The following TRRAP variants were observed in gnomAD, a reference collection of about 807,000 sequenced individuals.
TRRAP encodes transformation/transcription domain-associated protein.
In TRRAP, 41 loss-of-function variants were observed where a neutral mutation model predicts 438.8. The observed-to-expected ratio is 0.09, with a 90% confidence interval of 0.07 to 0.12. The LOEUF (loss-of-function observed/expected upper bound fraction) is 0.12. Ranked by LOEUF, TRRAP falls within the 10% of genes least tolerant of loss-of-function variation. The probability of loss-of-function intolerance (pLI) is 1.00; values close to 1 mark genes in which losing one functional copy is unlikely to be tolerated. For missense variants in TRRAP, 3,122 were observed against 5,055.1 expected (o/e 0.62, Z 11.60); for synonymous variants, 1,994 against 1,962.9 (o/e 1.02, Z -0.42).
At chr7:98,919,917 G>T (rs1318993715) in intron 20 of TRRAP, among the ~76,000 whole-genome samples, 2 of 152,208 alleles carry the variant, frequency 1.3e-5, no homozygotes, top group Non-Finnish European at 2.9e-5. Context: ...GGCCATGCGA[G>T]CACAGCAGGA....
intron 18 of TRRAP, 147 bp downstream of exon 18, chr7:98,912,360 G>T: frequency 1.5e-6 from 1 of 652,696 alleles, no homozygotes; most frequent in Non-Finnish European, 2.3e-6. Context: ...TGGGACTATA[G>T]GCACTCACCA....
chr7:99,007,505 C>T (rs937228415), intron 69 of TRRAP, among the ~76,000 whole-genome samples: 8 of 149,234 alleles, frequency 5.4e-5, no homozygotes, highest in East Asian at 2.0e-4. Context: ...CGCACCACCA[C>T]GCCTGGCTAA....
Position 99,011,012 on chromosome 7 carries a change from A to G in TRRAP, c.10939-40A>G. 1 of 1,574,148 alleles carries G rather than the reference A, an allele frequency of 6.4e-7. No individual in the cohort carries two copies. ...GAATTTTTCTTTTCCAAAAAAAATC[A>G]GTGAGTGAGATGGGAGTGTCACGGA... On this transcript the variant is annotated intron_variant, in intron 70 of 72. Transcript: ENST00000456197. This position sits in a 1 kb window ranked among gnomAD's most constrained non-coding sequence, Gnocchi z 7.1.
chr7:98,948,481 A>G lies in TRRAP; in HGVS notation c.4669-85A>G, dbSNP rs1791186705. ...TTGCTTGTGGGTGTTCATGCACTCC[A>G]GTAACAAGGGACCTTGTTAGGTAGA... On this transcript the variant is annotated intron_variant, in intron 34 of 72. Coordinates refer to ENST00000456197, the MANE Select transcript of TRRAP (RefSeq NM_001375524.1). This position sits in a 1 kb window ranked among gnomAD's most constrained non-coding sequence, Gnocchi z 4.9. 1.9e-6 allele frequency: 3 copies of G among 1,611,746 alleles called. No homozygotes were observed. Among genetic ancestry groups the G allele is most frequent in the Non-Finnish European group, 2.5e-6 (3 of 1,178,954 alleles).
rs1471203748 is a variant in TRRAP, at chr7:98,979,499, T to C, written c.8634+595T>C. Among the ~76,000 whole-genome samples the C allele has an allele frequency of 3.9e-5, 6 of 152,312 alleles. 1 individual carries two copies. In the East Asian group the frequency reaches 5.8e-4, roughly 15 times the overall value. ...TGCTTAGTACAGATGCAGTTTTTTTTCCCCCAAATATTTTCCATCCACAGT... is the reference window on the plus strand; with the variant it reads ...TGCTTAGTACAGATGCAGTTTTTTTCCCCCCAAATATTTTCCATCCACAGT... On this transcript the variant is annotated intron_variant, in intron 58 of 72. Transcript: ENST00000456197.
intron 59 of TRRAP, among the ~76,000 whole-genome samples, chr7:98,982,999 A>G (rs1168916248): frequency 2.6e-5 from 4 of 152,110 alleles, no homozygotes; most frequent in Non-Finnish European, 5.9e-5. Context: ...TGGTGTCTGT[A>G]CCATCGTTCT....
Position 98,924,957 on chromosome 7 carries a change from T to TA in TRRAP, c.2824-154dup, listed in dbSNP as rs200165482. Reference sequence around the variant, plus strand: ...AGGCAGAGCTTGCAGTGACCTGAGATACGCGCCACTGCACTCCAGCCCAGG... The same window carrying TA: ...AGGCAGAGCTTGCAGTGACCTGAGATAACGCGCCACTGCACTCCAGCCCAGG... On this transcript the variant is annotated intron_variant, in intron 21 of 72. Coordinates refer to ENST00000456197, the MANE Select transcript of TRRAP (RefSeq NM_001375524.1). 7.7e-3 allele frequency among the ~76,000 whole-genome samples: 1,125 copies of TA among 146,948 alleles called. 44 individuals are homozygous for TA. Among genetic ancestry groups the TA allele is most frequent in the Admixed American group, 0.064 (931 of 14,658 alleles).
chr7:98,980,379 T>C (rs1562969724), intron 58 of TRRAP, among the ~76,000 whole-genome samples: 1 of 130,342 alleles, frequency 7.7e-6, no homozygotes, highest in Non-Finnish European at 1.5e-5. Flanking sequence ...CCTTCCATCT[T>C]TCTAATCACA....
chr7:98,885,542 T>G (rs1795659050), intron 3 of TRRAP, among the ~76,000 whole-genome samples: 1 of 152,044 alleles, frequency 6.6e-6, no homozygotes. Flanking sequence ...TATTTTAGCT[T>G]TTTTTTAATA....
intron 65 of TRRAP, among the ~76,000 whole-genome samples, chr7:98,992,958 A>G (rs1793494630): frequency 6.6e-6 from 1 of 152,122 alleles, no homozygotes; most frequent in Non-Finnish European, 1.5e-5. Flanking sequence ...TAGTTTTAAG[A>G]CTAAGTGTAG....
chr7:98,987,362 T>C (rs1793198140), intron 62 of TRRAP, among the ~76,000 whole-genome samples: 1 of 152,252 alleles, frequency 6.6e-6, no homozygotes, highest in South Asian at 2.1e-4. Flanking sequence ...GAGATGTCTT[T>C]CCACTAGTTT....
chr7:98,881,294 C>G (rs374640716), intron 2 of TRRAP, 44 bp downstream of exon 2: 1 of 1,538,152 alleles, frequency 6.5e-7, no homozygotes, highest in Non-Finnish European at 8.8e-7. Context: ...TAAATAAGGC[C>G]GGATGCGGTG....
intron 61 of TRRAP, 101 bp downstream of exon 61, chr7:98,984,459 G>A: frequency 7.1e-7 from 1 of 1,398,630 alleles, no homozygotes; most frequent in Non-Finnish European, 9.5e-7. Context: ...AAGGAAGGTG[G>A]ACTCGAACTT....
chr7:98,881,428 C>G (rs1400800033), intron 2 of TRRAP, among the ~76,000 whole-genome samples, 178 bp downstream of exon 2: 1 of 152,010 alleles, frequency 6.6e-6, no homozygotes, highest in Non-Finnish European at 1.5e-5. Context: ...AAAAATTAGC[C>G]AGGTGTGGTG....
Position 98,917,481 on chromosome 7 carries a change from G to A in TRRAP, c.2424G>A (p.Glu808=). Residue 808 remains glutamate, a synonymous_variant, in exon 20 of 73, where the codon GAG becomes GAA. Transcript: ENST00000456197. ...HKQHMKDLFV[E]LCLTVPVRLS... is the part of the protein sequence containing the mutation. ...AGCACATGAAGGACCTCTTTGTGGA[G>A]CTGTGTCTCACCGTCCCTGTGCGGC... 6.2e-7 allele frequency: 1 copy of A among 1,614,208 alleles called. No individual in the cohort carries two copies.
At chr7:98,930,446 C>T (rs781918947) in intron 24 of TRRAP, among the ~76,000 whole-genome samples, 187 bp from the exon 25 acceptor site, 26 of 152,112 alleles carry the variant, frequency 1.7e-4, no homozygotes, top group African/African-American at 5.3e-4. Context: ...GGCGTGGTGG[C>T]GCATGCCTGT....
At chr7:98,968,370 C>G (rs1237177440) in intron 51 of TRRAP, among the ~76,000 whole-genome samples, 1 of 152,218 alleles carries the variant, frequency 6.6e-6, no homozygotes, top group Non-Finnish European at 1.5e-5. Flanking sequence ...GGCCTGACCA[C>G]GCTGTCGGTT....
chr7:98,900,149 G>C (rs1368393473), intron 10 of TRRAP, among the ~76,000 whole-genome samples: 1 of 151,870 alleles, frequency 6.6e-6, no homozygotes, highest in East Asian at 1.9e-4. Context: ...CAGATAGGCT[G>C]TGTTCATCCT....
intron 6 of TRRAP, 140 bp downstream of exon 6, chr7:98,894,021 T>C: frequency 1.3e-6 from 1 of 742,808 alleles, no homozygotes; most frequent in Non-Finnish European, 2.3e-6. Context: ...GGCAATTCTT[T>C]ATGAGTTTAA....
Sources: gnomAD v4.1 joint callset for allele counts (sites outside exome capture counted in the v4.1 genomes callset) on GRCh38, gnomAD v4.1.1 for gene constraint, Gnocchi (gnomAD v3.1) non-coding constraint, MANE v1.5 for transcripts, NCBI Gene and HGNC (gene_info 2026-07-23, HGNC 2026-07-21) for gene names.